The following FSTL5 variants were observed in gnomAD, a reference collection of about 807,000 sequenced individuals.
FSTL5 encodes the protein follistatin like 5.
In FSTL5, 62 loss-of-function variants were observed where a neutral mutation model predicts 89.1. The ratio of observed to expected loss-of-function variants is 0.70; its 90% CI spans 0.57 to 0.86. The LOEUF (loss-of-function observed/expected upper bound fraction) is 0.86, where lower values mean the gene tolerates loss of function less well. Ranked by LOEUF, FSTL5 falls within the 40% of genes least tolerant of loss-of-function variation. The pLI is 0.00. For synonymous variants in FSTL5, 383 were observed against 346.2 expected (o/e 1.11, Z -1.18); for missense variants, 1,057 against 1,001.6 (o/e 1.06, Z -0.75).
At chr4:161,577,681 C>T (rs139439903) in intron 8 of FSTL5, among the ~76,000 whole-genome samples, 4 of 152,098 alleles carry the variant, frequency 2.6e-5, no homozygotes, top group East Asian at 1.9e-4. Context: ...GAGACAGCTA[C>T]GGGAATCTAA....
At chr4:161,818,633 C>G (rs535744864) in intron 4 of FSTL5, among the ~76,000 whole-genome samples, 3 of 152,194 alleles carry the variant, frequency 2.0e-5, no homozygotes, top group Non-Finnish European at 4.4e-5. Context: ...GCCACACCCC[C>G]ATTGCACGCA....
Position 161,949,736 on chromosome 4 carries a change from G to C in FSTL5, c.161-29084C>G, listed in dbSNP as rs78399699. Among the ~76,000 whole-genome samples the C allele has an allele frequency of 0.013, 1,952 of 148,956 alleles. 120 individuals carry two copies. In the East Asian group the frequency reaches 0.2, roughly 15 times the overall value. On this transcript the variant is annotated intron_variant, in intron 3 of 15. Coordinates refer to ENST00000306100, the MANE Select transcript of FSTL5 (RefSeq NM_020116.5). ...AATTTCAGGGATTCTTTTCTCTCTTGTGTTCATGTTTCTGATAAGTCCAAG... is the reference window on the plus strand; with the variant it reads ...AATTTCAGGGATTCTTTTCTCTCTTCTGTTCATGTTTCTGATAAGTCCAAG...
intron 7 of FSTL5, among the ~76,000 whole-genome samples, chr4:161,644,526 C>A (rs79912004): frequency 6.4e-4 from 86 of 133,788 alleles, no homozygotes; most frequent in Admixed American, 7.6e-4. Context: ...AACTCTGTCT[C>A]AAAAAAAAAA....
intron 4 of FSTL5, among the ~76,000 whole-genome samples, chr4:161,862,231 A>G (rs1423236818): frequency 1.3e-5 from 2 of 152,190 alleles, no homozygotes; most frequent in Non-Finnish European, 2.9e-5. Flanking sequence ...TGATTATTGT[A>G]TTTATGAGTA....
At chr4:162,104,391 C>T (rs1731127612) in intron 2 of FSTL5, among the ~76,000 whole-genome samples, 1 of 152,188 alleles carries the variant, frequency 6.6e-6, no homozygotes, top group Admixed American at 6.5e-5. Context: ...AGGCTTGCCA[C>T]CATCTTGGAA....
intron 4 of FSTL5, among the ~76,000 whole-genome samples, chr4:161,781,253 T>C (rs921565887): frequency 6.6e-6 from 1 of 151,998 alleles, no homozygotes; most frequent in Non-Finnish European, 1.5e-5. Context: ...CTATCATATT[T>C]ATATTAATTA....
At chr4:162,073,731 T>A (rs1326615752) in intron 2 of FSTL5, among the ~76,000 whole-genome samples, 1 of 151,786 alleles carries the variant, frequency 6.6e-6, no homozygotes, top group Admixed American at 6.6e-5. Flanking sequence ...AATCAGAATA[T>A]CTACTTATTC....
At chr4:161,522,370 C>A (rs951646534) in intron 10 of FSTL5, among the ~76,000 whole-genome samples, 1 of 152,050 alleles carries the variant, frequency 6.6e-6, no homozygotes, top group Admixed American at 6.6e-5. Context: ...CACAGAGACT[C>A]CACACACATG....
intron 15 of FSTL5, among the ~76,000 whole-genome samples, chr4:161,439,911 G>T (rs1732701314): frequency 6.6e-6 from 1 of 152,118 alleles, no homozygotes; most frequent in African/African-American, 2.4e-5. Context: ...TGGCCAAAGT[G>T]AATGGGGTCT....
intron 4 of FSTL5, among the ~76,000 whole-genome samples, chr4:161,824,997 C>T (rs1339049221): frequency 6.6e-6 from 1 of 152,108 alleles, no homozygotes; most frequent in African/African-American, 2.4e-5. Flanking sequence ...CTTTCAACTT[C>T]TCTCCATTCA....
intron 15 of FSTL5, among the ~76,000 whole-genome samples, chr4:161,419,663 A>G (rs1024063303): frequency 6.6e-6 from 1 of 152,140 alleles, no homozygotes; most frequent in Non-Finnish European, 1.5e-5. Context: ...AAAACTTCCA[A>G]TGGCATTCAC....
chr4:161,449,503 G>A (rs916157971), intron 15 of FSTL5, among the ~76,000 whole-genome samples: 24 of 152,122 alleles, frequency 1.6e-4, no homozygotes, highest in Non-Finnish European at 3.5e-4. Context: ...CATCACCCAA[G>A]TTTATGCCTT....
At chr4:161,856,028 C>T (rs1731710118) in intron 4 of FSTL5, among the ~76,000 whole-genome samples, 2 of 152,094 alleles carry the variant, frequency 1.3e-5, no homozygotes, top group South Asian at 4.1e-4. Flanking sequence ...TGCATCATGC[C>T]ATCCAGGAGC....
intron 8 of FSTL5, among the ~76,000 whole-genome samples, chr4:161,566,186 A>C (rs950594216): frequency 6.7e-6 from 1 of 148,576 alleles, no homozygotes; most frequent in African/African-American, 2.5e-5. Flanking sequence ...TTAAAAAAAA[A>C]CACACATAAT....
chr4:161,532,383 C>A (rs927914149), intron 10 of FSTL5, among the ~76,000 whole-genome samples: 2 of 152,102 alleles, frequency 1.3e-5, no homozygotes, highest in Middle Eastern at 6.8e-3. Flanking sequence ...GTAGTACCCC[C>A]ACATCAGTGA....
chr4:161,624,025 C>T lies in FSTL5; in HGVS notation c.894+32303G>A, dbSNP rs1416648385. The stretch of plus-strand genomic sequence containing the variant: ...TGTATGAAAGTAAAAATTTCCAATA[C>T]TATTTATATACTGTTTTTCATAAGA... On this transcript the variant is annotated intron_variant, in intron 7 of 15. Coordinates refer to ENST00000306100, the MANE Select transcript of FSTL5 (RefSeq NM_020116.5). Among the ~76,000 whole-genome samples the T allele has an allele frequency of 1.3e-5, 2 of 152,012 alleles. 1 individual carries two copies. The highest frequency in any genetic ancestry group is 1.3e-4 in the Admixed American group (2 of 15,252).
chr4:161,838,262 T>C (rs1281948771), intron 4 of FSTL5, among the ~76,000 whole-genome samples: 1 of 152,194 alleles, frequency 6.6e-6, no homozygotes, highest in African/African-American at 2.4e-5. Context: ...TTTACCTTTA[T>C]GTATTAAAAG....
At chr4:161,771,855 T>C (rs2126800558) in intron 5 of FSTL5, among the ~76,000 whole-genome samples, 1 of 152,282 alleles carries the variant, frequency 6.6e-6, no homozygotes, top group African/African-American at 2.4e-5. Flanking sequence ...ACATTTGCAT[T>C]TTTTGTTAGA....
intron 8 of FSTL5, among the ~76,000 whole-genome samples, chr4:161,587,176 C>A (rs1733642647): frequency 6.6e-6 from 1 of 151,744 alleles, no homozygotes; most frequent in South Asian, 2.1e-4. Flanking sequence ...TGTTAATATT[C>A]TAAACGAAAA....
Sources: allele counts gnomAD v4.1 joint callset (sites outside exome capture counted in the v4.1 genomes callset), GRCh38; gene constraint gnomAD v4.1.1; transcripts MANE v1.5; gene names NCBI Gene and HGNC (gene_info 2026-07-23, HGNC 2026-07-21).